Variants in SUSD1 observed in about 807,000 individuals in gnomAD.
SUSD1 encodes the protein sushi domain containing 1, also known as sushi domain-containing protein 1.
A neutral mutation model predicts 86.9 loss-of-function variants in SUSD1; 65 were observed. The observed-to-expected ratio is 0.75, with a 90% confidence interval of 0.61 to 0.92. The LOEUF (loss-of-function observed/expected upper bound fraction) is 0.92. Ranked by LOEUF, SUSD1 falls within the 40% of genes least tolerant of loss-of-function variation. The pLI is 0.00. For synonymous variants in SUSD1, 346 were observed against 350.0 expected (o/e 0.99, Z 0.13); for missense variants, 850 against 929.7 (o/e 0.91, Z 1.11).
At chr9:112,049,441 C>T (rs1036412864) in intron 15 of SUSD1, among the ~76,000 whole-genome samples, 2 of 152,206 alleles carry the variant, frequency 1.3e-5, no homozygotes, top group African/African-American at 4.8e-5. Context: ...TTCAAAGACA[C>T]TTGGCTGATT....
chr9:112,166,478 C>T (rs1833831858), intron 1 of SUSD1, among the ~76,000 whole-genome samples: 1 of 152,154 alleles, frequency 6.6e-6, no homozygotes, highest in Admixed American at 6.5e-5. Context: ...CCCAGGTGGA[C>T]CACACAGAGA....
intron 14 of SUSD1, among the ~76,000 whole-genome samples, chr9:112,058,036 C>T (rs999852715): frequency 1.1e-4 from 17 of 152,182 alleles, no homozygotes; most frequent in Non-Finnish European, 2.1e-4. Context: ...AAAAAACAGC[C>T]GAGTGCTGTG....
intron 7 of SUSD1, 97 bp downstream of exon 7, chr9:112,112,674 T>G: frequency 1.3e-6 from 1 of 774,984 alleles, no homozygotes; most frequent in Middle Eastern, 2.4e-4. Flanking sequence ...AAACAGCAAT[T>G]AGATTGAGAA....
At chr9:112,061,563 T>C (rs1369041433) in intron 13 of SUSD1, among the ~76,000 whole-genome samples, 3 of 152,220 alleles carry the variant, frequency 2.0e-5, no homozygotes, top group African/African-American at 7.2e-5. Flanking sequence ...AAATATCACA[T>C]TTGTTCTTGC....
Position 112,149,415 on chromosome 9 carries a change from C to A in SUSD1, c.218-16G>T. 6.2e-7 allele frequency: 1 copy of A among 1,612,476 alleles called. No individual in the cohort carries two copies. The highest frequency in any genetic ancestry group is 8.5e-7 in the Non-Finnish European group (1 of 1,179,208). On this transcript the variant is annotated splice_polypyrimidine_tract_variant and intron_variant, in intron 2 of 16. Coordinates refer to ENST00000374270, the MANE Select transcript of SUSD1 (RefSeq NM_022486.5). ...TCATTTTTATCTGTTGACACACAGACAAGGCACCGGAAGAGCTATCAATCC... is the reference window on the plus strand; with the variant it reads ...TCATTTTTATCTGTTGACACACAGAAAAGGCACCGGAAGAGCTATCAATCC...
At chr9:112,041,547 C>A in intron 16 of SUSD1, 55 bp from the exon 17 acceptor site, 1 of 780,506 alleles carries the variant, frequency 1.3e-6, no homozygotes. Context: ...TTTGGTTTTC[C>A]CACTGTGCAT....
chr9:112,175,056 C>T lies in SUSD1; in HGVS notation c.103+77G>A. ...CCGGCCCGGCCCAGGGGCGGGGAAGCGTCCGTGCGCCCAGAGTCCTCGAGG... is the reference window on the plus strand; with the variant it reads ...CCGGCCCGGCCCAGGGGCGGGGAAGTGTCCGTGCGCCCAGAGTCCTCGAGG... On this transcript the variant is annotated intron_variant, in intron 1 of 16. Transcript: ENST00000374270. This position sits in a 1 kb window ranked among gnomAD's most constrained non-coding sequence, Gnocchi z 4.7. 1.0e-6 allele frequency: 1 copy of T among 977,750 alleles called. No homozygotes were observed. Among genetic ancestry groups the T allele is most frequent in the South Asian group, 4.7e-5 (1 of 21,240 alleles). The allele number at this position is 977,750 out of a possible 1,614,324, so 60.6% of individuals were successfully genotyped here.
rs545870980 is a variant in SUSD1, at chr9:112,140,153, G to A, written c.706+2167C>T. On this transcript the variant is annotated intron_variant, in intron 5 of 16. Transcript: ENST00000374270. Reference sequence around the variant, plus strand: ...CGAGGCGGGTGGATCATGAGGTCAGGAGATCGAGACCATCCTGGCTAACAA... The same window carrying A: ...CGAGGCGGGTGGATCATGAGGTCAGAAGATCGAGACCATCCTGGCTAACAA... Among the ~76,000 whole-genome samples, 5 of 115,770 alleles carry A rather than the reference G, an allele frequency of 4.3e-5. No individual in the cohort carries two copies. In the South Asian group the frequency reaches 1.1e-3, roughly 26 times the overall value. 75.9% of individuals were successfully genotyped at this position (115,770 alleles called of 152,430 possible).
At chr9:112,082,828 CT>C (rs894739824) in intron 10 of SUSD1, among the ~76,000 whole-genome samples, 3 of 152,186 alleles carry the variant, frequency 2.0e-5, no homozygotes, top group Admixed American at 6.5e-5. Context: ...AGTGATCCCC[CT>C]GCCTCAGTCT....
At chr9:112,094,447 T>C (rs191279260) in intron 10 of SUSD1, among the ~76,000 whole-genome samples, 1 of 152,284 alleles carries the variant, frequency 6.6e-6, no homozygotes, top group African/African-American at 2.4e-5. Context: ...AGACCGGGGA[T>C]TCTAGATAAG....
intron 15 of SUSD1, among the ~76,000 whole-genome samples, chr9:112,051,124 C>G (rs559362347): frequency 6.6e-6 from 1 of 152,346 alleles, no homozygotes; most frequent in African/African-American, 2.4e-5. Context: ...TTTATCTTTT[C>G]CTCCTTTCTA....
At chr9:112,148,344 C>T (rs542887406) in intron 3 of SUSD1, among the ~76,000 whole-genome samples, 25 of 152,230 alleles carry the variant, frequency 1.6e-4, no homozygotes, top group Non-Finnish European at 3.1e-4. Context: ...ACCCTGTATT[C>T]GACCAGCCTA....
intron 12 of SUSD1, among the ~76,000 whole-genome samples, chr9:112,077,256 G>A (rs141373792): frequency 2.4e-4 from 36 of 152,254 alleles, no homozygotes; most frequent in Non-Finnish European, 3.2e-4. Context: ...AGCAGGGACA[G>A]GAAGGGAGGC....
In SUSD1 at chr9:112,049,617, C is replaced by A. The variant is rs116597144; in HGVS notation, c.2149+2782G>T. 1.7e-3 allele frequency among the ~76,000 whole-genome samples: 254 copies of A among 152,208 alleles called. 4 individuals are homozygous for A. Among genetic ancestry groups the A allele is most frequent in the African/African-American group, 6.0e-3 (248 of 41,518 alleles). On this transcript the variant is annotated intron_variant, in intron 15 of 16. Coordinates refer to ENST00000374270, the MANE Select transcript of SUSD1 (RefSeq NM_022486.5). Reference sequence around the variant, plus strand: ...GCCAGAATGGGGCTGAGCCTTGGCACGAGTGAACTGGCACGATTTCAGGAC... The same window carrying A: ...GCCAGAATGGGGCTGAGCCTTGGCAAGAGTGAACTGGCACGATTTCAGGAC...
chr9:112,157,824 C>CTTTTTT (rs72322597), intron 1 of SUSD1, among the ~76,000 whole-genome samples: 1 of 136,888 alleles, frequency 7.3e-6, no homozygotes, highest in African/African-American at 2.8e-5. Context: ...TTCTTTCTTT[C>CTTTTTT]TTTTTTTTTT....
At chr9:112,134,720 A>C (rs141203973) in intron 5 of SUSD1, among the ~76,000 whole-genome samples, 3 of 152,012 alleles carry the variant, frequency 2.0e-5, no homozygotes, top group African/African-American at 4.8e-5. Flanking sequence ...CCATTGTAAC[A>C]AACTTGCACA....
intron 2 of SUSD1, among the ~76,000 whole-genome samples, chr9:112,152,747 TA>T (rs1432055790): frequency 1.5e-5 from 2 of 132,214 alleles, no homozygotes; most frequent in East Asian, 2.1e-4. Flanking sequence ...TTATTTTTTT[TA>T]ATCTTTTTTT....
At chr9:112,109,602 G>A (rs1458391396) in intron 8 of SUSD1, among the ~76,000 whole-genome samples, 1 of 152,044 alleles carries the variant, frequency 6.6e-6, no homozygotes. Flanking sequence ...ACAGAGTTAA[G>A]ATGCAAAACC....
intron 10 of SUSD1, among the ~76,000 whole-genome samples, chr9:112,092,606 T>C (rs1403296636): frequency 1.3e-5 from 2 of 152,246 alleles, no homozygotes; most frequent in Non-Finnish European, 2.9e-5. Flanking sequence ...TGTCTCTGTT[T>C]TTGTTTTCTT....
Sources: allele counts gnomAD v4.1 joint callset (sites outside exome capture counted in the v4.1 genomes callset), GRCh38; gene constraint gnomAD v4.1.1; non-coding constraint Gnocchi (gnomAD v3.1); transcripts MANE v1.5; gene names NCBI Gene and HGNC (gene_info 2026-07-23, HGNC 2026-07-21).